Variants in NELL1 observed in about 807,000 individuals in gnomAD.
NELL1 encodes the protein neural EGFL like 1.
Under a neutral mutation model 107.4 loss-of-function variants are expected in NELL1, and 76 were observed. That is an observed-to-expected ratio of 0.71 (90% CI 0.59 to 0.86). NELL1 has a LOEUF of 0.86. NELL1 is among the 40% of genes least tolerant of loss of function. The probability of loss-of-function intolerance (pLI) is 0.00; values close to 1 mark genes in which losing one functional copy is unlikely to be tolerated. For synonymous variants in NELL1, 353 were observed against 341.2 expected, an observed-to-expected ratio of 1.03 and a Z score of -0.38; for missense variants, 1,024 against 1,005.5, an observed-to-expected ratio of 1.02 and a Z score of -0.25.
At chr11:21,279,586 G>A (rs1004053491) in intron 14 of NELL1, among the ~76,000 whole-genome samples, 1 of 152,104 alleles carries the variant, frequency 6.6e-6, no homozygotes. Flanking sequence ...GCCAAAATCT[G>A]ACACACTAAC....
chr11:21,384,510 T>C (rs1851691942), intron 15 of NELL1, among the ~76,000 whole-genome samples: 1 of 151,994 alleles, frequency 6.6e-6, no homozygotes, highest in African/African-American at 2.4e-5. Flanking sequence ...GTTAGTTACA[T>C]AGGTATACAT....
chr11:21,168,903 T>G (rs1427238606), intron 13 of NELL1, among the ~76,000 whole-genome samples: 1 of 151,922 alleles, frequency 6.6e-6, no homozygotes, highest in Non-Finnish European at 1.5e-5. Flanking sequence ...TGGTTAAACT[T>G]CTTCAGTCCT....
chr11:21,477,852 A>G (rs1854384342), intron 15 of NELL1, among the ~76,000 whole-genome samples: 1 of 148,776 alleles, frequency 6.7e-6, no homozygotes, highest in Non-Finnish European at 1.5e-5. Flanking sequence ...AAAAATTATA[A>G]TAAAGTTATT....
intron 13 of NELL1, among the ~76,000 whole-genome samples, chr11:21,121,078 G>T (rs765115169): frequency 6.6e-6 from 1 of 152,070 alleles, no homozygotes. Context: ...GGCTGTTCTG[G>T]GGTTGGGACC....
intron 15 of NELL1, among the ~76,000 whole-genome samples, chr11:21,533,220 C>T (rs1406486669): frequency 6.6e-6 from 1 of 152,130 alleles, no homozygotes; most frequent in Non-Finnish European, 1.5e-5. Context: ...TGACATTACC[C>T]AGTTTCAAAC....
chr11:20,967,319 C>T (rs367983045), intron 12 of NELL1, among the ~76,000 whole-genome samples: 24 of 151,976 alleles, frequency 1.6e-4, no homozygotes, highest in Middle Eastern at 6.8e-3. Context: ...TCTAATTATT[C>T]CAATACTTAG....
chr11:21,475,113 G>A (rs1288100589), intron 15 of NELL1, among the ~76,000 whole-genome samples: 1 of 152,080 alleles, frequency 6.6e-6, no homozygotes, highest in Non-Finnish European at 1.5e-5. Flanking sequence ...GGAAAAAAAA[G>A]CTAAAAGCAA....
intron 15 of NELL1, among the ~76,000 whole-genome samples, chr11:21,498,967 A>G (rs1855063920): frequency 6.6e-6 from 1 of 152,028 alleles, no homozygotes. Flanking sequence ...CCATATTTAT[A>G]CTGTATCATT....
At chr11:20,676,012 G>T (rs1433557039) in intron 1 of NELL1, among the ~76,000 whole-genome samples, 1 of 152,174 alleles carries the variant, frequency 6.6e-6, no homozygotes, top group East Asian at 1.9e-4. Context: ...GCCTCCCAAA[G>T]TGTTAGAATT....
At chr11:21,547,704 G>A (rs1269740831) in intron 16 of NELL1, among the ~76,000 whole-genome samples, 1 of 151,868 alleles carries the variant, frequency 6.6e-6, no homozygotes, top group Non-Finnish European at 1.5e-5. Context: ...CTGAAAAAGT[G>A]AGGCCCTCAG....
intron 15 of NELL1, among the ~76,000 whole-genome samples, chr11:21,493,020 A>G (rs897237286): frequency 2.0e-5 from 3 of 152,112 alleles, no homozygotes; most frequent in Non-Finnish European, 4.4e-5. Context: ...ATGAAAATCA[A>G]AATCACAATA....
At chr11:21,003,558 T>A (rs1852269043) in intron 12 of NELL1, among the ~76,000 whole-genome samples, 1 of 152,124 alleles carries the variant, frequency 6.6e-6, no homozygotes, top group Non-Finnish European at 1.5e-5. Context: ...CCCATAGTCA[T>A]GGGGCCTGTA....
intron 14 of NELL1, among the ~76,000 whole-genome samples, chr11:21,307,531 A>C (rs1849633021): frequency 6.6e-6 from 1 of 151,984 alleles, no homozygotes; most frequent in Non-Finnish European, 1.5e-5. Flanking sequence ...TAATAAATGT[A>C]TTATCATTTT....
intron 13 of NELL1, among the ~76,000 whole-genome samples, chr11:21,141,251 T>A (rs1855860394): frequency 6.6e-6 from 1 of 152,156 alleles, no homozygotes; most frequent in Non-Finnish European, 1.5e-5. Context: ...AAAGAAAGAA[T>A]CTCACTGGAA....
chr11:20,672,704 G>A (rs982972776), intron 1 of NELL1, among the ~76,000 whole-genome samples: 1 of 152,154 alleles, frequency 6.6e-6, no homozygotes, highest in African/African-American at 2.4e-5. Flanking sequence ...TTGGCAGTGT[G>A]AATAATTGAA....
chr11:21,127,141 A>G (rs147959712), intron 13 of NELL1, among the ~76,000 whole-genome samples: 3 of 152,326 alleles, frequency 2.0e-5, no homozygotes, highest in African/African-American at 7.2e-5. Context: ...GGACACAAGG[A>G]TGGAGTCTTT....
chr11:20,990,045 T>C (rs946906249), intron 12 of NELL1, among the ~76,000 whole-genome samples: 1 of 151,980 alleles, frequency 6.6e-6, no homozygotes, highest in African/African-American at 2.4e-5. Flanking sequence ...TTCAGTTTCA[T>C]ACCCAATTTA....
chr11:21,413,353 T>TG (rs531839218), intron 15 of NELL1, among the ~76,000 whole-genome samples: 62 of 150,810 alleles, frequency 4.1e-4, no homozygotes, highest in South Asian at 2.7e-3. Flanking sequence ...GTGCTGGGGG[T>TG]GGGGGGGAGA....
chr11:21,477,940 G>T lies in NELL1; in HGVS notation c.1646-56434G>T, dbSNP rs927118668. Among the ~76,000 whole-genome samples the T allele has an allele frequency of 5.3e-5, 8 of 149,910 alleles. No homozygotes were observed. In the East Asian group the frequency reaches 1.4e-3, roughly 26 times the overall value. ...ATAATAAAAAGAAGCAGAAATTCTG[G>T]AGTTGAAAAATGTAATTGACATATA... is the stretch of plus-strand genomic sequence containing the variant. On this transcript the variant is annotated intron_variant, in intron 15 of 19. Coordinates refer to ENST00000357134, the MANE Select transcript of NELL1 (RefSeq NM_006157.5).
Sources: gnomAD v4.1 joint callset for allele counts (sites outside exome capture counted in the v4.1 genomes callset) on GRCh38, gnomAD v4.1.1 for gene constraint, MANE v1.5 for transcripts, NCBI Gene and HGNC (gene_info 2026-07-23, HGNC 2026-07-21) for gene names.